GABRG1: variants seen among roughly 807,000 people sequenced by gnomAD.
GABRG1 encodes gamma-aminobutyric acid type A receptor subunit gamma1.
Under a neutral mutation model 49.8 loss-of-function variants are expected in GABRG1, and 49 were observed. That is an observed-to-expected ratio of 0.98 (90% CI 0.78 to 1.25). GABRG1 has a LOEUF of 1.25. Ranked by LOEUF, GABRG1 falls within the 50% of genes most tolerant of loss-of-function variation. The pLI is 0.00. For synonymous variants in GABRG1, 232 were observed against 185.1 expected (o/e 1.25, Z -2.06); for missense variants, 552 against 552.3 (o/e 1.00, Z 0.01).
chr4:46,041,148 G>A lies in GABRG1; in HGVS notation c.1238C>T (p.Ala413Val), dbSNP rs1577624624. Residue 413 changes from alanine (A) to valine (V), a missense_variant, in exon 9 of 9, where the codon GCC becomes GTC. Transcript: ENST00000295452. ...GYQCLEGKDC[A>V]SFFCCFEDCR... ...GTCTTCAAAGCAACAGAAGAAGCTG[G>A]CACAATCTTTGCCCTCCAAACACTG... 3 of 1,613,122 alleles carry A rather than the reference G, an allele frequency of 1.9e-6. No individual in the cohort carries two copies. The highest frequency in any genetic ancestry group is 2.2e-5 in the East Asian group (1 of 44,838).
At chr4:46,102,478 T>C (rs1057096862) in intron 1 of GABRG1, among the ~76,000 whole-genome samples, 2 of 151,630 alleles carry the variant, frequency 1.3e-5, no homozygotes, top group Admixed American at 1.3e-4. Context: ...TCTACTTTCA[T>C]ACGTTTCAAA....
Position 46,065,410 on chromosome 4 carries a change from G to C in GABRG1, c.496C>G (p.Arg166Gly). ...SDAHWITTPN[R>G]LLRIWNDGRV... ...CCATCATTCCAAATTCGAAGCAGACGATTAGGAGTTGTTATCCAGTGAGCA... is the reference window on the plus strand; with the variant it reads ...CCATCATTCCAAATTCGAAGCAGACCATTAGGAGTTGTTATCCAGTGAGCA... Residue 166 changes from arginine (R) to glycine (G), a missense_variant, in exon 4 of 9, where the codon CGT becomes GGT. By Grantham distance (125) the Arg-to-Gly change is moderately radical (BLOSUM62 -2). Transcript: ENST00000295452. 1.2e-6 allele frequency: 2 copies of C among 1,613,306 alleles called. No homozygotes were observed. The highest frequency in any genetic ancestry group is 1.7e-6 in the Non-Finnish European group (2 of 1,179,568).
Position 46,097,232 on chromosome 4 carries a change from G to T in GABRG1, c.222C>A (p.Gly74=), listed in dbSNP as rs1197045400. ...TATCTGGACGAAGTTTATTGTCATA[G>T]CCTTGAAGCAATGAATTCAGAATTT... is the stretch of plus-strand genomic sequence containing the variant. The part of the protein sequence containing the change: ...ITQILNSLLQ[G]YDNKLRPDIG... The change falls in exon 2 of 9, where the codon GGC becomes GGA. Residue 74 remains glycine (G), a synonymous_variant. Transcript: ENST00000295452. The T allele has an allele frequency of 9.9e-6, 16 of 1,610,054 alleles. No homozygotes were observed. In the South Asian group the frequency reaches 1.5e-4, roughly 16 times the overall value.
intron 1 of GABRG1, among the ~76,000 whole-genome samples, chr4:46,101,349 G>A (rs1720372298): frequency 6.6e-6 from 1 of 151,442 alleles, no homozygotes; most frequent in Non-Finnish European, 1.5e-5. Context: ...GGGTGGTTCG[G>A]TTTTGAATTT....
At chr4:46,064,354 C>G in intron 5 of GABRG1, 87 bp downstream of exon 5, 1 of 697,626 alleles carries the variant, frequency 1.4e-6, no homozygotes. Flanking sequence ...TTTTGAAAAT[C>G]CTATTTTATT....
At chr4:46,098,167 G>A (rs937458068) in intron 1 of GABRG1, among the ~76,000 whole-genome samples, 1 of 151,640 alleles carries the variant, frequency 6.6e-6, no homozygotes, top group Admixed American at 6.6e-5. Context: ...ATACACCTGT[G>A]TGCTTAAAAG....
intron 2 of GABRG1, among the ~76,000 whole-genome samples, chr4:46,089,255 A>G (rs995446065): frequency 5.3e-5 from 8 of 151,978 alleles, no homozygotes; most frequent in African/African-American, 1.7e-4. Context: ...CCTATGAAAA[A>G]CAACAAAAAA....
chr4:46,078,056 G>A (rs1274631235), intron 3 of GABRG1, among the ~76,000 whole-genome samples: 1 of 151,470 alleles, frequency 6.6e-6, no homozygotes. Flanking sequence ...AATAAGATCT[G>A]TTAAAAAATA....
intron 4 of GABRG1, among the ~76,000 whole-genome samples, chr4:46,064,806 C>T (rs1381891899): frequency 6.6e-6 from 1 of 152,082 alleles, no homozygotes. Flanking sequence ...TTCAATATGT[C>T]AGCAAACACA....
intron 2 of GABRG1, among the ~76,000 whole-genome samples, chr4:46,088,805 TTGTGTGTGTTTGTGTG>T (rs2109425889): frequency 7.0e-6 from 1 of 142,618 alleles, no homozygotes; most frequent in African/African-American, 2.7e-5. Context: ...GTGTGTGTGT[TTGTGTGTGTTTGTGTG>T]TGTGTGTGTG....
chr4:46,083,166 T>C (rs1419365690), intron 3 of GABRG1, among the ~76,000 whole-genome samples: 1 of 151,696 alleles, frequency 6.6e-6, no homozygotes, highest in Non-Finnish European at 1.5e-5. Flanking sequence ...AGGTTACACA[T>C]AATTAATAAG....
At chr4:46,106,961 G>A (rs796273330) in intron 1 of GABRG1, among the ~76,000 whole-genome samples, 8 of 151,300 alleles carry the variant, frequency 5.3e-5, no homozygotes, top group African/African-American at 1.9e-4. Context: ...TATTTAAGGG[G>A]AATGTGAGAT....
intron 2 of GABRG1, among the ~76,000 whole-genome samples, chr4:46,087,945 T>C (rs940010832): frequency 1.3e-5 from 2 of 152,042 alleles, no homozygotes; most frequent in African/African-American, 4.8e-5. Context: ...TAGAAACATA[T>C]GGCTGTTTAA....
chr4:46,091,018 A>G (rs1245087265), intron 2 of GABRG1, among the ~76,000 whole-genome samples: 1 of 151,374 alleles, frequency 6.6e-6, no homozygotes, highest in Non-Finnish European at 1.5e-5. Context: ...GACATTCTAC[A>G]TGGGATTTCC....
chr4:46,123,717 A>C, intron 1 of GABRG1, 93 bp downstream of exon 1: 2 of 829,068 alleles, frequency 2.4e-6, no homozygotes, highest in East Asian at 2.6e-5. Context: ...ATGCAAATTA[A>C]TTACTTAAAG....
At chr4:46,089,923 C>T (rs1027834145) in intron 2 of GABRG1, among the ~76,000 whole-genome samples, 6 of 151,948 alleles carry the variant, frequency 3.9e-5, no homozygotes, top group African/African-American at 1.2e-4. Flanking sequence ...ATGATCACAC[C>T]ACTGCACTCC....
At position 46,123,944 on chromosome 4, in the gene GABRG1, G is replaced by A. The variant is rs1577677197; in HGVS notation, c.-31C>T. ...TCGCTTTTTTACGTGTGCTGCACTA[G>A]CTCAATTCTCCCAGCCAGGACTTTT... On this transcript the variant is annotated 5_prime_UTR_variant, in exon 1 of 9. Coordinates refer to ENST00000295452, the MANE Select transcript of GABRG1 (RefSeq NM_173536.4). 6.6e-7 allele frequency: 1 copy of A among 1,523,494 alleles called. No individual in the cohort carries two copies. Among genetic ancestry groups the A allele is most frequent in the Non-Finnish European group, 9.1e-7 (1 of 1,098,898 alleles). 94.4% of individuals were successfully genotyped at this position (1,523,494 alleles called of 1,614,324 possible). A position where few individuals can be genotyped will look rare whatever the true frequency, so the allele number is the denominator to read the frequency against.
chr4:46,061,818 T>TTC lies in GABRG1; in HGVS notation c.625+2622_625+2623insGA, dbSNP rs1159866339. Among the ~76,000 whole-genome samples, 8 of 151,468 alleles carry TTC rather than the reference T, an allele frequency of 5.3e-5. 1 individual carries two copies. The highest frequency in any genetic ancestry group is 1.7e-4 in the African/African-American group (7 of 41,276). ...ATAGCATAAGTTACCACTTACATTTTTTTTTTTTTGGTTTTGTTTTCTTTT... is the reference window on the plus strand; with the variant it reads ...ATAGCATAAGTTACCACTTACATTTTTCTTTTTTTTTGGTTTTGTTTTCTTTT... On this transcript the variant is annotated intron_variant, in intron 5 of 8. Coordinates refer to ENST00000295452, the MANE Select transcript of GABRG1 (RefSeq NM_173536.4).
intron 8 of GABRG1, among the ~76,000 whole-genome samples, chr4:46,045,863 T>C (rs1717978092): frequency 6.6e-6 from 1 of 151,842 alleles, no homozygotes; most frequent in South Asian, 2.1e-4. Flanking sequence ...ATACACCAGG[T>C]CAATAACTAT....
Sources: allele counts gnomAD v4.1 joint callset (sites outside exome capture counted in the v4.1 genomes callset), GRCh38; gene constraint gnomAD v4.1.1; transcripts MANE v1.5; gene names NCBI Gene and HGNC (gene_info 2026-07-23, HGNC 2026-07-21).